ADGRG7: variants seen among roughly 807,000 people sequenced by gnomAD.
ADGRG7 encodes adhesion G protein-coupled receptor G7.
Under a neutral mutation model 88.6 loss-of-function variants are expected in ADGRG7, and 82 were observed. The observed-to-expected ratio is 0.93, with a 90% CI of 0.77 to 1.11. ADGRG7 has a LOEUF of 1.11. Among genes scored for constraint, ADGRG7 ranks in the 50% most tolerant of loss-of-function variants. ADGRG7 has a pLI of 0.00. For missense variants in ADGRG7, 945 were observed against 953.4 expected (o/e 0.99, Z 0.12); for synonymous variants, 381 against 345.2 (o/e 1.10, Z -1.15).
chr3:100,649,740 T>A lies in ADGRG7; in HGVS notation c.1312T>A (p.Ser438Thr), dbSNP rs761984386. 1.9e-6 allele frequency: 3 copies of A among 1,611,380 alleles called. No individual in the cohort carries two copies. The East Asian group carries it at 6.7e-5, about 36-fold the overall frequency. Residue 438 changes from serine to threonine, a missense_variant, in exon 11 of 16, where the codon TCC becomes ACC. By Grantham distance (58) the Ser-to-Thr change is moderately conservative. Transcript: ENST00000273352. The part of the protein sequence containing the change: ...YQYPKSLDIL[S>T]NVGCALSVTG... Reference sequence around the variant, plus strand: ...ATATCCCAAATCACTTGACATATTATCCAACGTTGGATGTGCACTGTCTGT... The same window carrying A: ...ATATCCCAAATCACTTGACATATTAACCAACGTTGGATGTGCACTGTCTGT...
chr3:100,649,900 G>A (rs1430934627), intron 11 of ADGRG7, 93 bp downstream of exon 11: 1 of 645,538 alleles, frequency 1.5e-6, no homozygotes, highest in East Asian at 2.8e-5. Context: ...TTTGAACTAG[G>A]CAAGAACTCA....
At chr3:100,647,969 T>C (rs1707783497) in intron 10 of ADGRG7, among the ~76,000 whole-genome samples, 1 of 152,192 alleles carries the variant, frequency 6.6e-6, no homozygotes, top group Non-Finnish European at 1.5e-5. Flanking sequence ...ACTGTAGTTT[T>C]CTCATTTTAA....
In ADGRG7 at chr3:100,655,130, A is replaced by G. The variant is rs2094935931; in HGVS notation, c.1675A>G (p.Met559Val). 6.2e-7 allele frequency: 1 copy of G among 1,613,602 alleles called. No homozygotes were observed. The highest frequency in any genetic ancestry group is 1.3e-5 in the African/African-American group (1 of 74,932). ...GCTCTATTACCTTCTAATAAGGACC[A>G]TGAAGCCTCTTCCTCGGCATTTCAT... ...AQLYYLLIRTMKPLPRHFILF... is the reference protein window; with the variant it reads ...AQLYYLLIRTVKPLPRHFILF... The change falls in exon 12 of 16, where the codon ATG becomes GTG. Residue 559 changes from methionine to valine, a missense_variant. Met to Val is a conservative substitution (Grantham distance 21). Coordinates refer to ENST00000273352, the MANE Select transcript of ADGRG7 (RefSeq NM_032787.3).
At chr3:100,628,993 A>G (rs974236215) in intron 1 of ADGRG7, among the ~76,000 whole-genome samples, 4 of 152,116 alleles carry the variant, frequency 2.6e-5, no homozygotes, top group Admixed American at 6.6e-5. Flanking sequence ...GTCCCTTCCA[A>G]TTGAATCTAT....
intron 13 of ADGRG7, among the ~76,000 whole-genome samples, chr3:100,657,667 CCA>C (rs957771438): frequency 6.6e-6 from 1 of 152,186 alleles, no homozygotes; most frequent in African/African-American, 2.4e-5. Context: ...TCATCTGCAT[CCA>C]GTTATAATGC....
At chr3:100,637,485 TATTTC>T in intron 6 of ADGRG7, 83 bp downstream of exon 6, 1 of 899,702 alleles carries the variant, frequency 1.1e-6, no homozygotes, top group Non-Finnish European at 1.8e-6. Context: ...GAGATATCTT[TATTTC>T]TCTCATGGAT....
intron 1 of ADGRG7, among the ~76,000 whole-genome samples, chr3:100,612,817 A>G (rs1485273442): frequency 6.6e-6 from 1 of 152,198 alleles, no homozygotes; most frequent in Non-Finnish European, 1.5e-5. Flanking sequence ...TCAGTCCTGC[A>G]AGAGATTTCA....
At chr3:100,623,738 C>T (rs1040284122) in intron 1 of ADGRG7, among the ~76,000 whole-genome samples, 1 of 151,880 alleles carries the variant, frequency 6.6e-6, no homozygotes, top group African/African-American at 2.4e-5. Flanking sequence ...GTGTGTTGTT[C>T]CCCTTCCTGT....
At chr3:100,684,271 A>ATTTATTTATTTATTTATTTATTTG (rs2094978503) in intron 15 of ADGRG7, among the ~76,000 whole-genome samples, 2 of 150,184 alleles carry the variant, frequency 1.3e-5, no homozygotes, top group Non-Finnish European at 3.0e-5. Flanking sequence ...TTATTTATTT[A>ATTTATTTATTTATTTATTTATTTG]TTTATTTATT....
chr3:100,644,685 A>T (rs1339154414), intron 8 of ADGRG7, among the ~76,000 whole-genome samples: 5 of 137,260 alleles, frequency 3.6e-5, no homozygotes, highest in African/African-American at 1.2e-4. Context: ...CCTGCTAATT[A>T]AAAAAAAAAA....
At position 100,646,610 on chromosome 3, in the gene ADGRG7, C is replaced by G. The variant is rs749014650; in HGVS notation, c.1152C>G (p.Val384=). 5.0e-6 allele frequency: 8 copies of G among 1,613,812 alleles called. No individual in the cohort carries two copies. In the East Asian group the frequency reaches 1.8e-4, roughly 36 times the overall value. Residue 384 remains valine (V), a synonymous_variant, in exon 10 of 16, where the codon GTC becomes GTG. Transcript: ENST00000273352. ...TTCAACTCTATTCCTATGCCTGTGT[C>G]TATTGGAATTTGTCAGCGAAGGACT... is the stretch of plus-strand genomic sequence containing the variant. ...KEFQLYSYAC[V]YWNLSAKDWD...
At chr3:100,688,678 T>C (rs2094987604) in intron 15 of ADGRG7, among the ~76,000 whole-genome samples, 1 of 152,226 alleles carries the variant, frequency 6.6e-6, no homozygotes. Flanking sequence ...TCCATGTAGT[T>C]GAGCGGTTTT....
chr3:100,659,439 CAAAAAAAAAA>C (rs373835556), intron 13 of ADGRG7, among the ~76,000 whole-genome samples: 50 of 80,888 alleles, frequency 6.2e-4, no homozygotes, highest in Non-Finnish European at 7.3e-4. Context: ...GACTCAGTCT[CAAAAAAAAAA>C]AAAAAAAAAA....
At chr3:100,689,237 T>G (rs1319313280) in intron 15 of ADGRG7, among the ~76,000 whole-genome samples, 2 of 152,218 alleles carry the variant, frequency 1.3e-5, no homozygotes, top group Non-Finnish European at 2.9e-5. Context: ...TTGGTAGATC[T>G]TCCTCCATCC....
intron 13 of ADGRG7, among the ~76,000 whole-genome samples, 166 bp from the exon 14 acceptor site, chr3:100,659,522 G>A (rs1177606319): frequency 6.6e-6 from 1 of 151,762 alleles, no homozygotes; most frequent in Admixed American, 6.6e-5. Flanking sequence ...TTTCTAGTGG[G>A]TAGAATTCTT....
Position 100,649,768 on chromosome 3 carries a change from C to G in ADGRG7, c.1340C>G (p.Thr447Ser). 6.2e-7 allele frequency: 1 copy of G among 1,609,706 alleles called. No homozygotes were observed. Among genetic ancestry groups the G allele is most frequent in the Non-Finnish European group, 8.5e-7 (1 of 1,176,482 alleles). Residue 447 changes from threonine to serine, a missense_variant, in exon 11 of 16, where the codon ACT (threonine) becomes AGT (serine). Coordinates refer to ENST00000273352, the MANE Select transcript of ADGRG7 (RefSeq NM_032787.3). Reference protein sequence around the residue: ...LSNVGCALSVTGLALTVIFQI... With the variant: ...LSNVGCALSVSGLALTVIFQI... The stretch of plus-strand genomic sequence containing the variant: ...AACGTTGGATGTGCACTGTCTGTTA[C>G]TGGTCTGGCTCTCACAGTTATATTT...
In ADGRG7 at chr3:100,654,901, C is replaced by A; in HGVS notation, c.1446C>A (p.Asn482Lys). ...TGTGCATATCAATGTTGATTTTCAACCTCCTCTTTGTGTTTGGAATTGAAA... is the reference window on the plus strand; with the variant it reads ...TGTGCATATCAATGTTGATTTTCAAACTCCTCTTTGTGTTTGGAATTGAAA... Reference protein sequence around the residue: ...VNLCISMLIFNLLFVFGIENS... With the variant: ...VNLCISMLIFKLLFVFGIENS... The change falls in exon 12 of 16, where the codon AAC becomes AAA. Residue 482 changes from asparagine to lysine, a missense_variant. By Grantham distance (94) the Asn-to-Lys change is moderately conservative. Coordinates refer to ENST00000273352, the MANE Select transcript of ADGRG7 (RefSeq NM_032787.3). The A allele has an allele frequency of 6.2e-7, 1 of 1,613,876 alleles. No individual in the cohort carries two copies. The highest frequency in any genetic ancestry group is 8.5e-7 in the Non-Finnish European group (1 of 1,179,844).
chr3:100,612,062 C>A (rs1707162452), intron 1 of ADGRG7, among the ~76,000 whole-genome samples: 1 of 151,974 alleles, frequency 6.6e-6, no homozygotes. Flanking sequence ...TATAAACACA[C>A]AAAATTTTGC....
intron 6 of ADGRG7, among the ~76,000 whole-genome samples, chr3:100,642,159 G>A (rs547069493): frequency 6.6e-6 from 1 of 152,202 alleles, no homozygotes; most frequent in Admixed American, 6.5e-5. Flanking sequence ...GCCTGAGGGA[G>A]CAGCTCCTGG....
Sources: gnomAD v4.1 joint callset for allele counts (sites outside exome capture counted in the v4.1 genomes callset) on GRCh38, gnomAD v4.1.1 for gene constraint, MANE v1.5 for transcripts, NCBI Gene and HGNC (gene_info 2026-07-23, HGNC 2026-07-21) for gene names.